NEDD4L: variants seen among roughly 807,000 people sequenced by gnomAD.
NEDD4L encodes the protein NEDD4 like E3 ubiquitin protein ligase.
NEDD4L carries 54 observed loss-of-function variants against 148.9 expected under a neutral mutation model. The observed-to-expected ratio is 0.36, with a 90% CI of 0.29 to 0.45. NEDD4L has a LOEUF of 0.45. NEDD4L is among the 20% of genes least tolerant of loss of function. The pLI is 1.00. For missense variants in NEDD4L, 856 were observed against 1,233.8 expected (o/e 0.69, Z 4.59); for synonymous variants, 433 against 440.7 (o/e 0.98, Z 0.22).
chr18:58,330,646 C>A, intron 10 of NEDD4L, 92 bp from the exon 11 acceptor site: 1 of 965,960 alleles, frequency 1.0e-6, no homozygotes, highest in Non-Finnish European at 1.5e-6. Context: ...ATAGTTATCA[C>A]CGGGGCTATT....
chr18:58,245,375 C>T, intron 2 of NEDD4L, 52 bp from the exon 3 acceptor site: 1 of 874,816 alleles, frequency 1.1e-6, no homozygotes, highest in Non-Finnish European at 1.8e-6. Flanking sequence ...CCACTGTTTT[C>T]TCTTTTGAAT....
intron 19 of NEDD4L, among the ~76,000 whole-genome samples, chr18:58,363,484 A>G (rs184915838): frequency 6.6e-6 from 1 of 152,320 alleles, no homozygotes; most frequent in African/African-American, 2.4e-5. Context: ...TCAGTAGCCA[A>G]AACTCACGGC....
At chr18:58,199,538 T>G (rs73961522) in intron 2 of NEDD4L, among the ~76,000 whole-genome samples, 4 of 152,120 alleles carry the variant, frequency 2.6e-5, no homozygotes, top group African/African-American at 9.7e-5. Flanking sequence ...CCCGGCACTT[T>G]AGGAGGCTGG....
At chr18:58,293,919 C>G (rs2055149301) in intron 5 of NEDD4L, among the ~76,000 whole-genome samples, 1 of 151,834 alleles carries the variant, frequency 6.6e-6, no homozygotes, top group African/African-American at 2.4e-5. Context: ...GATGGATTCT[C>G]ACTCTGTTGC....
At chr18:58,339,048 A>G (rs575555699) in intron 13 of NEDD4L, among the ~76,000 whole-genome samples, 15 of 152,112 alleles carry the variant, frequency 9.9e-5, no homozygotes, top group Admixed American at 7.8e-4. Flanking sequence ...CCAGAGATTG[A>G]GTAACTGCAA....
chr18:58,094,410 C>A lies in NEDD4L; in HGVS notation c.48+49702C>A, dbSNP rs985639970. ...CCATGTTGCCCAGGCTGGTCTCGAG[C>A]TCCCGGGCTCAAGCGATCTGCCCGC... On this transcript the variant is annotated intron_variant, in intron 1 of 30. Coordinates refer to ENST00000400345, the MANE Select transcript of NEDD4L (RefSeq NM_001144967.3). Among the ~76,000 whole-genome samples, 5 of 152,088 alleles carry A rather than the reference C, an allele frequency of 3.3e-5. No individual in the cohort carries two copies. The East Asian group carries it at 7.7e-4, about 23-fold the overall frequency.
intron 5 of NEDD4L, among the ~76,000 whole-genome samples, chr18:58,292,958 A>G (rs9945040): frequency 0.18 from 27,038 of 152,074 alleles, 2,588 homozygotes; most frequent in East Asian, 0.28. Context: ...TTGCTCTTTT[A>G]TATGTTTAGG....
At chr18:58,300,778 A>G (rs138383009) in intron 5 of NEDD4L, among the ~76,000 whole-genome samples, 2 of 152,342 alleles carry the variant, frequency 1.3e-5, no homozygotes, top group Non-Finnish European at 2.9e-5. Context: ...TCTGTGGCCC[A>G]GTGGACAAGG....
At chr18:58,351,477 C>G (rs903049285) in intron 18 of NEDD4L, among the ~76,000 whole-genome samples, 3 of 152,252 alleles carry the variant, frequency 2.0e-5, no homozygotes, top group Non-Finnish European at 4.4e-5. Context: ...GATGCCCGCT[C>G]TGACCTTATT....
chr18:58,160,444 G>T (rs2036060384), intron 1 of NEDD4L, among the ~76,000 whole-genome samples: 1 of 152,194 alleles, frequency 6.6e-6, no homozygotes, highest in African/African-American at 2.4e-5. Flanking sequence ...CAGAACAATA[G>T]ATTAATAACA....
At chr18:58,160,211 A>G (rs1200985973) in intron 1 of NEDD4L, among the ~76,000 whole-genome samples, 1 of 152,230 alleles carries the variant, frequency 6.6e-6, no homozygotes, top group African/African-American at 2.4e-5. Flanking sequence ...CTGCTTATGC[A>G]CAGTTTATAT....
At chr18:58,298,156 C>T (rs183655742) in intron 5 of NEDD4L, among the ~76,000 whole-genome samples, 10 of 152,080 alleles carry the variant, frequency 6.6e-5, no homozygotes, top group African/African-American at 2.2e-4. Flanking sequence ...TATGCCCTAC[C>T]GTTTTGGGTA....
At chr18:58,131,184 G>A (rs1000326719) in intron 1 of NEDD4L, among the ~76,000 whole-genome samples, 1 of 150,748 alleles carries the variant, frequency 6.6e-6, no homozygotes, top group African/African-American at 2.5e-5. Flanking sequence ...GCCTTTGTTG[G>A]GATTTGGTTG....
In NEDD4L at chr18:58,267,199, A is replaced by C. The variant is rs1462639953; in HGVS notation, c.297+15145A>C. ...AAGAATATGCTCCTGAAGTTAACAT[A>C]GTTACTTTTAAAATGTCTCAATTCT... On this transcript the variant is annotated intron_variant, in intron 5 of 30. Coordinates refer to ENST00000400345, the MANE Select transcript of NEDD4L (RefSeq NM_001144967.3). Among the ~76,000 whole-genome samples the C allele has an allele frequency of 1.3e-5, 2 of 152,056 alleles. 1 individual carries two copies. The highest frequency in any genetic ancestry group is 3.8e-4 in the East Asian group (2 of 5,196).
At chr18:58,146,886 G>A (rs184991528) in intron 1 of NEDD4L, among the ~76,000 whole-genome samples, 362 of 148,414 alleles carry the variant, frequency 2.4e-3, no homozygotes, top group Non-Finnish European at 3.9e-3. Context: ...ATTTTGCGCT[G>A]GGCCTGGAAA....
chr18:58,270,933 C>T (rs1215296038), intron 5 of NEDD4L, among the ~76,000 whole-genome samples: 2 of 151,998 alleles, frequency 1.3e-5, no homozygotes, highest in African/African-American at 2.4e-5. Flanking sequence ...GTCTTTCTCC[C>T]TCATATCTCT....
intron 1 of NEDD4L, among the ~76,000 whole-genome samples, chr18:58,087,036 AACATTAG>A (rs2083793264): frequency 6.6e-6 from 1 of 152,198 alleles, no homozygotes. Context: ...TCACTTTTTA[AACATTAG>A]ACTTCTGTGG....
chr18:58,149,706 C>A, intron 1 of NEDD4L: 1 of 673,200 alleles, frequency 1.5e-6, no homozygotes, highest in Non-Finnish European at 2.7e-6. Context: ...ACATAATTGA[C>A]CTGATTACTT....
chr18:58,128,070 A>G (rs1347843889), intron 1 of NEDD4L, among the ~76,000 whole-genome samples: 1 of 151,356 alleles, frequency 6.6e-6, no homozygotes, highest in Non-Finnish European at 1.5e-5. Flanking sequence ...TGTTTGAGAC[A>G]GGGTCTCACT....
Sources: gnomAD v4.1 joint callset for allele counts (sites outside exome capture counted in the v4.1 genomes callset) on GRCh38, gnomAD v4.1.1 for gene constraint, MANE v1.5 for transcripts, NCBI Gene and HGNC (gene_info 2026-07-23, HGNC 2026-07-21) for gene names.